Variants in ARCN1 observed in about 807,000 individuals in gnomAD.
The protein encoded by ARCN1 is coatomer subunit delta.
A neutral mutation model predicts 60.4 loss-of-function variants in ARCN1; 5 were observed. The observed-to-expected ratio is 0.08, with a 90% CI of 0.04 to 0.17. The LOEUF is 0.17. Ranked by LOEUF, ARCN1 falls within the 10% of genes least tolerant of loss-of-function variation. ARCN1 has a pLI of 1.00. For synonymous variants in ARCN1, 224 were observed against 220.0 expected, an observed-to-expected ratio of 1.02 and a Z score of -0.16; for missense variants, 464 against 626.5, an observed-to-expected ratio of 0.74 and a Z score of 2.77.
intron 3 of ARCN1, 59 bp from the exon 4 acceptor site, chr11:118,583,750 C>A (rs1938711994): frequency 6.4e-7 from 1 of 1,566,698 alleles, no homozygotes; most frequent in Non-Finnish European, 8.7e-7. Context: ...CAGAGTGAGA[C>A]CCTGTCTCAA....
intron 8 of ARCN1, among the ~76,000 whole-genome samples, chr11:118,595,243 T>C (rs1016842292): frequency 7.9e-5 from 12 of 152,242 alleles, no homozygotes; most frequent in Non-Finnish European, 1.5e-4. Flanking sequence ...ACTTTCTGTT[T>C]TGCAGGTTTC....
At chr11:118,594,383 A>G (rs1555076813) in intron 8 of ARCN1, among the ~76,000 whole-genome samples, 1 of 151,952 alleles carries the variant, frequency 6.6e-6, no homozygotes, top group Non-Finnish European at 1.5e-5. Flanking sequence ...TATAAGCGTG[A>G]GCCACCACAC....
chr11:118,590,628 A>G lies in ARCN1; in HGVS notation c.984+122A>G, dbSNP rs903089862. ...TAAGTTATATAACTAGCATCACTCT[A>G]AACGCTTAGGAAAGAAGTTAATATA... On this transcript the variant is annotated intron_variant, in intron 6 of 9. Coordinates refer to ENST00000264028, the MANE Select transcript of ARCN1 (RefSeq NM_001655.5). The G allele has an allele frequency of 3.9e-6, 4 of 1,024,602 alleles. No individual in the cohort carries two copies. The African/African-American group carries it at 6.5e-5, about 17-fold the overall frequency. The allele number at this position is 1,024,602 out of a possible 1,614,324, so 63.5% of individuals were successfully genotyped here.
chr11:118,576,141 C>T (rs1413523260), intron 1 of ARCN1, among the ~76,000 whole-genome samples: 1 of 151,762 alleles, frequency 6.6e-6, no homozygotes, highest in African/African-American at 2.4e-5. Context: ...AAAGGCAGAA[C>T]AGAAACCTAA....
intron 7 of ARCN1, 47 bp from the exon 8 acceptor site, chr11:118,593,543 C>G: frequency 7.3e-7 from 1 of 1,373,452 alleles, no homozygotes; most frequent in Non-Finnish European, 1.0e-6. Flanking sequence ...CTGCACCCAG[C>G]CATCTTTTTC....
rs1401205579 is a variant in ARCN1 at position 118,601,993 on chromosome 11, C to T, written c.*1279C>T. On this transcript the variant is annotated 3_prime_UTR_variant, in exon 10 of 10. Transcript: ENST00000264028. ...TTCACCACCTCCCTCTTCCAGACTGCACTCTCTGTCATCAGTCCCCTCCTT... is the reference window on the plus strand; with the variant it reads ...TTCACCACCTCCCTCTTCCAGACTGTACTCTCTGTCATCAGTCCCCTCCTT... 15 of 437,534 alleles carry T rather than the reference C, an allele frequency of 3.4e-5. No individual in the cohort carries two copies. The highest frequency in any genetic ancestry group is 5.8e-5 in the Non-Finnish European group (14 of 242,862). The allele number at this position is 437,534 out of a possible 1,614,324, so 27.1% of individuals were successfully genotyped here. A position where few individuals can be genotyped will look rare whatever the true frequency, so the allele number is the denominator to read the frequency against.
intron 9 of ARCN1, 46 bp downstream of exon 9, chr11:118,597,957 A>G (rs781922749): frequency 6.3e-7 from 1 of 1,595,936 alleles, no homozygotes; most frequent in Admixed American, 1.7e-5. Context: ...GTGGTAGGAC[A>G]GTAGGAACAC....
At chr11:118,579,962 C>T (rs1467695269) in intron 1 of ARCN1, among the ~76,000 whole-genome samples, 3 of 152,030 alleles carry the variant, frequency 2.0e-5, no homozygotes, top group African/African-American at 7.2e-5. Context: ...CATAAAAACC[C>T]ATTTATATAA....
At chr11:118,595,972 C>T (rs1555077078) in intron 8 of ARCN1, among the ~76,000 whole-genome samples, 1 of 151,732 alleles carries the variant, frequency 6.6e-6, no homozygotes, top group African/African-American at 2.4e-5. Flanking sequence ...GAGGCTGAGG[C>T]AGGAGAATGG....
In ARCN1 at chr11:118,599,210, ATCC is replaced by A. The variant is rs201161098; in HGVS notation, c.1446+1304_1446+1306del. Among the ~76,000 whole-genome samples the A allele has an allele frequency of 6.2e-3, 943 of 151,392 alleles. 13 individuals are homozygous for A. Among genetic ancestry groups the A allele is most frequent in the African/African-American group, 0.022 (886 of 41,136 alleles). On this transcript the variant is annotated intron_variant, in intron 9 of 9. Coordinates refer to ENST00000264028, the MANE Select transcript of ARCN1 (RefSeq NM_001655.5). ...CAGGTTCAAGCGATTCTCCTGCCTC[ATCC>A]TCCTGAGTAGCTGGGACTACCGGCA...
chr11:118,593,766 T>G, intron 8 of ARCN1, 68 bp downstream of exon 8: 1 of 1,042,222 alleles, frequency 9.6e-7, no homozygotes, highest in Non-Finnish European at 1.5e-6. Context: ...CATTTTGGAG[T>G]CAGCACCTAC....
intron 1 of ARCN1, 123 bp downstream of exon 1, chr11:118,572,673 T>C (rs1938374729): frequency 2.3e-6 from 3 of 1,323,354 alleles, no homozygotes; most frequent in Non-Finnish European, 3.1e-6. Context: ...GTGCTTTTGC[T>C]CCGGGCTCGG....
At chr11:118,588,975 G>A (rs1051774792) in intron 5 of ARCN1, among the ~76,000 whole-genome samples, 12 of 152,134 alleles carry the variant, frequency 7.9e-5, no homozygotes, top group African/African-American at 2.2e-4. Context: ...CCGAGATCAC[G>A]CCATTGCACT....
chr11:118,583,883 G>C lies in ARCN1; in HGVS notation c.522G>C (p.Glu174Asp). 2 of 1,614,232 alleles carry C rather than the reference G, an allele frequency of 1.2e-6. No homozygotes were observed. Among genetic ancestry groups the C allele is most frequent in the Non-Finnish European group, 1.7e-6 (2 of 1,180,042 alleles). Reference protein sequence around the residue: ...KELQQARRDAERQGKKAPGFG... With the variant: ...KELQQARRDADRQGKKAPGFG... The stretch of plus-strand genomic sequence containing the variant: ...TACAACAGGCCCGAAGAGATGCAGA[G>C]AGACAGGGCAAAAAAGCACCAGGAT... The change falls in exon 4 of 10, where the codon GAG becomes GAC. Residue 174 changes from glutamate to aspartate, a missense_variant. Physicochemically the swap from Glu to Asp is conservative, Grantham distance 45 (BLOSUM62 2). Coordinates refer to ENST00000264028, the MANE Select transcript of ARCN1 (RefSeq NM_001655.5).
chr11:118,595,235 T>G (rs1939000474), intron 8 of ARCN1, among the ~76,000 whole-genome samples: 2 of 152,258 alleles, frequency 1.3e-5, no homozygotes, highest in Non-Finnish European at 2.9e-5. Context: ...TCAGTCAAAC[T>G]TTCTGTTTTG....
At chr11:118,581,534 G>T in intron 2 of ARCN1, 25 bp downstream of exon 2, 2 of 1,570,350 alleles carry the variant, frequency 1.3e-6, no homozygotes, top group Non-Finnish European at 1.7e-6. Context: ...ATAATACTGG[G>T]TTCCACTTTT....
intron 7 of ARCN1, 138 bp downstream of exon 7, chr11:118,592,994 C>T: frequency 4.9e-6 from 4 of 819,232 alleles, no homozygotes; most frequent in Non-Finnish European, 5.6e-6. Flanking sequence ...GGACCTGGTG[C>T]TGCATTTTGT....
chr11:118,597,007 G>A (rs1449022228), intron 8 of ARCN1, among the ~76,000 whole-genome samples: 1 of 152,162 alleles, frequency 6.6e-6, no homozygotes, highest in Non-Finnish European at 1.5e-5. Flanking sequence ...CAGGAGATGA[G>A]ACCATCCTGG....
chr11:118,576,284 C>T (rs1555073549), intron 1 of ARCN1, among the ~76,000 whole-genome samples: 1 of 150,604 alleles, frequency 6.6e-6, no homozygotes, highest in Non-Finnish European at 1.5e-5. Context: ...TGGCAAAGCT[C>T]AACTTTATGA....
Sources: allele counts gnomAD v4.1 joint callset (sites outside exome capture counted in the v4.1 genomes callset), GRCh38; gene constraint gnomAD v4.1.1; transcripts MANE v1.5; gene names NCBI Gene and HGNC (gene_info 2026-07-23, HGNC 2026-07-21).